FSTL4: variants seen among roughly 807,000 people sequenced by gnomAD.
FSTL4 encodes follistatin-related protein 4.
In FSTL4, 28 loss-of-function variants were observed where a neutral mutation model predicts 78.2. The observed-to-expected ratio is 0.36, with a 90% confidence interval of 0.27 to 0.49. The LOEUF is 0.49. FSTL4 is among the 20% of genes least tolerant of loss of function. FSTL4 has a pLI of 0.98. For synonymous variants in FSTL4, 422 were observed against 440.5 expected (o/e 0.96, Z 0.53); for missense variants, 922 against 1,084.9 (o/e 0.85, Z 2.11).
chr5:133,599,093 T>C (rs1300826529), intron 2 of FSTL4, among the ~76,000 whole-genome samples: 1 of 152,074 alleles, frequency 6.6e-6, no homozygotes, highest in Non-Finnish European at 1.5e-5. Context: ...GAGAATTTTA[T>C]CAGAAAGGGT....
At chr5:133,420,901 C>T (rs968624488) in intron 3 of FSTL4, among the ~76,000 whole-genome samples, 1 of 152,224 alleles carries the variant, frequency 6.6e-6, no homozygotes, top group Non-Finnish European at 1.5e-5. Flanking sequence ...AGAAGGGTGA[C>T]GGGACAGTGG....
chr5:133,735,032 T>C, the FSTL4 span, among the ~76,000 whole-genome samples: 2 of 152,272 alleles, frequency 1.3e-5, no homozygotes, highest in African/African-American at 2.4e-5. Context: ...AAAGTGCCCC[T>C]CATGCTCTCC....
At chr5:133,616,051 A>G (rs888068064), upstream of FSTL4, among the ~76,000 whole-genome samples, 3 of 152,240 alleles carry the variant, frequency 2.0e-5, no homozygotes, top group Non-Finnish European at 4.4e-5. Flanking sequence ...AAAGGTGCTG[A>G]TAACAGGAGG....
intron 4 of FSTL4, among the ~76,000 whole-genome samples, chr5:133,323,542 C>T (rs574175967): frequency 5.9e-5 from 9 of 152,250 alleles, no homozygotes; most frequent in African/African-American, 1.4e-4. Context: ...AGTGCACATG[C>T]CCCATCTGGG....
chr5:133,205,387 G>A (rs1244109613), intron 14 of FSTL4, among the ~76,000 whole-genome samples: 1 of 5,538 alleles, frequency 1.8e-4, no homozygotes, highest in South Asian at 4.3e-3. Context: ...TTTTCTTTGC[G>A]TGTGTGTGTG....
At chr5:133,274,488 C>G (rs1284842822) in intron 6 of FSTL4, among the ~76,000 whole-genome samples, 1 of 60,392 alleles carries the variant, frequency 1.7e-5, no homozygotes, top group South Asian at 7.7e-4. Flanking sequence ...AACCTGTTAA[C>G]TTACTTAAAC....
At chr5:133,810,255 C>T in the FSTL4 span, among the ~76,000 whole-genome samples, 115 of 152,328 alleles carry the variant, frequency 7.5e-4, 1 homozygote, top group African/African-American at 2.6e-3. Context: ...GGGGCTGGCC[C>T]AGAACTTCCA....
intron 3 of FSTL4, among the ~76,000 whole-genome samples, chr5:133,507,465 G>A (rs973989384): frequency 6.6e-6 from 1 of 151,740 alleles, no homozygotes; most frequent in Non-Finnish European, 1.5e-5. Flanking sequence ...ACGTACAGTC[G>A]GCCCTCTGGA....
intron 3 of FSTL4, among the ~76,000 whole-genome samples, chr5:133,473,555 C>T (rs1757868234): frequency 6.6e-6 from 1 of 152,190 alleles, no homozygotes; most frequent in African/African-American, 2.4e-5. Context: ...AGACCTCTGC[C>T]TCCGCGTCAA....
the FSTL4 span, among the ~76,000 whole-genome samples, chr5:133,728,272 G>T: frequency 6.6e-6 from 1 of 152,216 alleles, no homozygotes. Context: ...GGTCCCCAAT[G>T]CTCAAGGACC....
At chr5:133,546,585 T>C (rs1020393454) in intron 3 of FSTL4, among the ~76,000 whole-genome samples, 13 of 151,530 alleles carry the variant, frequency 8.6e-5, no homozygotes, top group African/African-American at 2.9e-4. Flanking sequence ...CAGCAATCTT[T>C]TGTTAAGGAG....
At chr5:133,385,000 C>T (rs1024226727) in intron 4 of FSTL4, among the ~76,000 whole-genome samples, 2 of 152,196 alleles carry the variant, frequency 1.3e-5, no homozygotes, top group African/African-American at 4.8e-5. Flanking sequence ...CCAGATGGCA[C>T]CCCCTTTTGG....
At chr5:133,329,211 C>T (rs1293526427) in intron 4 of FSTL4, among the ~76,000 whole-genome samples, 7 of 152,050 alleles carry the variant, frequency 4.6e-5, no homozygotes, top group East Asian at 1.9e-4. Context: ...CCCCAAGAGG[C>T]GTTTTGGAAT....
At chr5:133,773,192 A>C in the FSTL4 span, among the ~76,000 whole-genome samples, 139 of 151,992 alleles carry the variant, frequency 9.1e-4, 1 homozygote, top group African/African-American at 3.2e-3. Context: ...AGAATGACTA[A>C]GTGATTTTTA....
At chr5:133,290,797 A>G (rs112713722) in intron 6 of FSTL4, among the ~76,000 whole-genome samples, 4,477 of 152,336 alleles carry the variant, frequency 0.029, 231 homozygotes, top group African/African-American at 0.1. Flanking sequence ...CCATGGCTCC[A>G]GGCCACCTGC....
chr5:133,408,913 T>A (rs11242153), intron 3 of FSTL4, among the ~76,000 whole-genome samples: 52,395 of 152,072 alleles, frequency 0.34, 9,327 homozygotes, highest in Middle Eastern at 0.46. Flanking sequence ...ACTGGAAAAG[T>A]AGTAGCCATT....
chr5:133,739,356 C>T, the FSTL4 span, among the ~76,000 whole-genome samples: 6 of 151,754 alleles, frequency 4.0e-5, no homozygotes, highest in Non-Finnish European at 8.8e-5. Context: ...CAAAGTGAGC[C>T]CGCCAGGAGG....
chr5:133,205,986 AAT>A (rs1159104493), intron 14 of FSTL4, among the ~76,000 whole-genome samples: 7 of 152,206 alleles, frequency 4.6e-5, no homozygotes, highest in Non-Finnish European at 8.8e-5. Context: ...CTCTATTTTT[AAT>A]AGTATGTTAG....
chr5:133,428,330 T>G (rs1224320392), intron 3 of FSTL4, among the ~76,000 whole-genome samples: 1 of 152,184 alleles, frequency 6.6e-6, no homozygotes. Flanking sequence ...TCTCTGACTC[T>G]CTGGCTTGCC....
Sources: allele counts gnomAD v4.1 joint callset (sites outside exome capture counted in the v4.1 genomes callset), GRCh38; gene constraint gnomAD v4.1.1; transcripts MANE v1.5; gene names NCBI Gene and HGNC (gene_info 2026-07-23, HGNC 2026-07-21).